HECA: variants seen among roughly 807,000 people sequenced by gnomAD.
HECA encodes HECA ribonucleoprotein granule regulator.
Under a neutral mutation model 37.6 loss-of-function variants are expected in HECA, and 13 were observed. The observed-to-expected ratio is 0.35, with a 90% CI of 0.23 to 0.55. The LOEUF (loss-of-function observed/expected upper bound fraction) is 0.55, where lower values mean the gene tolerates loss of function less well. Among genes scored for constraint, HECA ranks in the 20% least tolerant of loss-of-function variants. HECA has a pLI of 0.90. For missense variants in HECA, 527 were observed against 701.9 expected, an observed-to-expected ratio of 0.75 and a Z score of 2.82; for synonymous variants, 307 against 291.5, an observed-to-expected ratio of 1.05 and a Z score of -0.54.
chr6:139,138,637 T>C (rs1774478728), intron 1 of HECA, among the ~76,000 whole-genome samples: 1 of 152,228 alleles, frequency 6.6e-6, no homozygotes, highest in Non-Finnish European at 1.5e-5. Context: ...ATACTTATTC[T>C]GTAAAGGAAG....
At chr6:139,167,711 G>A (rs1161874186) in intron 2 of HECA, among the ~76,000 whole-genome samples, 1 of 152,218 alleles carries the variant, frequency 6.6e-6, no homozygotes, top group Non-Finnish European at 1.5e-5. Flanking sequence ...AGGAAAAGCA[G>A]TGGTCAGAAA....
At chr6:139,137,572 G>A (rs1333332717) in intron 1 of HECA, among the ~76,000 whole-genome samples, 1 of 150,756 alleles carries the variant, frequency 6.6e-6, no homozygotes, top group Non-Finnish European at 1.5e-5. Flanking sequence ...TCCTCAGGGA[G>A]CTTGCATTCC....
intron 1 of HECA, among the ~76,000 whole-genome samples, chr6:139,136,698 A>G (rs1415882704): frequency 6.6e-6 from 1 of 150,852 alleles, no homozygotes; most frequent in Non-Finnish European, 1.5e-5. Flanking sequence ...GTAGTGGCGC[A>G]ATCTCGGCTC....
At position 139,166,367 on chromosome 6, in the gene HECA, A is replaced by G; in HGVS notation, c.355A>G (p.Asn119Asp). 1 of 1,614,148 alleles carries G rather than the reference A, an allele frequency of 6.2e-7. No homozygotes were observed. Among genetic ancestry groups the G allele is most frequent in the Non-Finnish European group, 8.5e-7 (1 of 1,179,988 alleles). ...EKDDYQKVVC[N>D]NEHCPCSTWM... ...GGACGACTACCAGAAGGTGGTGTGC[A>G]ACAACGAGCACTGCCCCTGCAGCAC... Residue 119 changes from asparagine (N) to aspartate (D), a missense_variant, in exon 2 of 4, where the codon AAC becomes GAC. By Grantham distance (23) the Asn-to-Asp change is conservative. Transcript: ENST00000367658.
At chr6:139,167,484 C>G (rs940201574) in intron 2 of HECA, among the ~76,000 whole-genome samples, 160 bp downstream of exon 2, 7 of 152,144 alleles carry the variant, frequency 4.6e-5, no homozygotes, top group African/African-American at 1.7e-4. Context: ...CCCAGTGACG[C>G]GGTGATTTTT....
At chr6:139,141,781 T>G (rs1774516153) in intron 1 of HECA, among the ~76,000 whole-genome samples, 1 of 145,042 alleles carries the variant, frequency 6.9e-6, no homozygotes. Flanking sequence ...TGAGACAGAG[T>G]CTCACTATGT....
At chr6:139,157,475 A>G (rs1425723320) in intron 1 of HECA, among the ~76,000 whole-genome samples, 1 of 152,246 alleles carries the variant, frequency 6.6e-6, no homozygotes, top group Non-Finnish European at 1.5e-5. Context: ...CACTGAGAAG[A>G]ACATCTTCAT....
intron 1 of HECA, chr6:139,155,510 G>C (rs1468644803): frequency 6.6e-6 from 1 of 152,208 alleles, no homozygotes; most frequent in Non-Finnish European, 1.5e-5. Context: ...TGGGACCACT[G>C]TTGTGTACGG....
chr6:139,143,731 C>T (rs183192657), intron 1 of HECA, among the ~76,000 whole-genome samples: 2 of 151,806 alleles, frequency 1.3e-5, no homozygotes, highest in African/African-American at 2.4e-5. Flanking sequence ...TGTGGTGGCA[C>T]GTGCCTGTAA....
chr6:139,135,476 C>T lies in HECA; in HGVS notation c.80C>T (p.Ala27Val), dbSNP rs867248462. ...AGCGGCGACGAGCAGGAAAATGGAG[C>T]CGGGGCCCTGGCAGCGGCGGGCGCG... is the stretch of plus-strand genomic sequence containing the variant. Reference protein sequence around the residue: ...NSSGDEQENGAGALAAAGAAG... With the variant: ...NSSGDEQENGVGALAAAGAAG... The change falls in exon 1 of 4, where the codon GCC becomes GTC. Residue 27 changes from alanine (A) to valine (V), a missense_variant. Ala to Val is a moderately conservative substitution (Grantham distance 64). Coordinates refer to ENST00000367658, the MANE Select transcript of HECA (RefSeq NM_016217.3). 1.6e-6 allele frequency: 2 copies of T among 1,252,474 alleles called. No homozygotes were observed. Among genetic ancestry groups the T allele is most frequent in the African/African-American group, 1.6e-5 (1 of 62,994 alleles). 77.6% of individuals were successfully genotyped at this position (1,252,474 alleles called of 1,614,324 possible). A position where few individuals can be genotyped will look rare whatever the true frequency, so the allele number is the denominator to read the frequency against.
rs1774423933 is a variant in HECA at position 139,135,626 on chromosome 6, CGGCCGCCGCGGGGGCT to C, written c.232_247del (p.Ala78ArgfsTer16). ...GCGGGGACTGGCGCCGCGAACGCTG[CGGCCGCCGCGGGGGCT>C]GCGGCCGCGGGCGATGCCAAAAACG... On this transcript the variant is annotated frameshift_variant, in exon 1 of 4. Transcript: ENST00000367658. LOFTEE classifies it high-confidence loss of function. 2.8e-5 allele frequency: 27 copies of C among 966,048 alleles called. No individual in the cohort carries two copies. The highest frequency in any genetic ancestry group is 1.6e-4 in the African/African-American group (9 of 55,804). The allele number at this position is 966,048 out of a possible 1,614,324, so 59.8% of individuals were successfully genotyped here.
At position 139,167,216 on chromosome 6, in the gene HECA, C is replaced by T. The variant is rs1207828635; in HGVS notation, c.1204C>T (p.His402Tyr). ...AAACGTGGTAAACTGTGCCCTGTGC[C>T]ACCGGGCGCTCCCGGTGTTCGAACA... ...HRNVVNCALC[H>Y]RALPVFEQFP... Residue 402 changes from histidine to tyrosine, a missense_variant, in exon 2 of 4, where the codon CAC (histidine) becomes TAC (tyrosine). Physicochemically the swap from His to Tyr is moderately conservative, Grantham distance 83 (BLOSUM62 2). Coordinates refer to ENST00000367658, the MANE Select transcript of HECA (RefSeq NM_016217.3). The T allele has an allele frequency of 1.2e-6, 2 of 1,614,188 alleles. No homozygotes were observed. The highest frequency in any genetic ancestry group is 1.7e-6 in the Non-Finnish European group (2 of 1,180,030).
At chr6:139,141,186 C>G (rs776061837) in intron 1 of HECA, among the ~76,000 whole-genome samples, 2 of 152,148 alleles carry the variant, frequency 1.3e-5, no homozygotes, top group Non-Finnish European at 2.9e-5. Context: ...AAGAAGCTTT[C>G]TTTGCCTTTC....
Position 139,178,648 on chromosome 6 carries a change from C to T in HECA, c.*1543C>T, listed in dbSNP as rs1775087650. The T allele has an allele frequency of 6.6e-6, 1 of 151,968 alleles. No individual in the cohort carries two copies. The highest frequency in any genetic ancestry group is 6.6e-5 in the Admixed American group (1 of 15,226). 9.4% of individuals were successfully genotyped at this position (151,968 alleles called of 1,614,324 possible). A position where few individuals can be genotyped will look rare whatever the true frequency, so the allele number is the denominator to read the frequency against. ...GGAGTGCAGTAGTGCGATCTCAGCT[C>T]ACTGCAACCTCTGCCTCCTGGATTC... On this transcript the variant is annotated 3_prime_UTR_variant, in exon 4 of 4. Coordinates refer to ENST00000367658, the MANE Select transcript of HECA (RefSeq NM_016217.3).
intron 1 of HECA, among the ~76,000 whole-genome samples, chr6:139,145,937 C>T (rs1001141544): frequency 6.6e-6 from 1 of 152,040 alleles, no homozygotes; most frequent in African/African-American, 2.4e-5. Flanking sequence ...TTTTGAGAGC[C>T]TCTGCTTTTA....
rs1399191301 is a variant in HECA, at chr6:139,177,585, C to G, written c.*480C>G. 6.5e-6 allele frequency: 1 copy of G among 152,944 alleles called. No individual in the cohort carries two copies. The highest frequency in any genetic ancestry group is 1.5e-5 in the Non-Finnish European group (1 of 68,260). 9.5% of individuals were successfully genotyped at this position (152,944 alleles called of 1,614,324 possible). A position where few individuals can be genotyped will look rare whatever the true frequency, so the allele number is the denominator to read the frequency against. On this transcript the variant is annotated 3_prime_UTR_variant, in exon 4 of 4. Coordinates refer to ENST00000367658, the MANE Select transcript of HECA (RefSeq NM_016217.3). The surrounding 1 kb of genome is among the most constrained non-coding windows in gnomAD (Gnocchi z 4.9). The stretch of plus-strand genomic sequence containing the variant: ...CATTAGTCTATCTCAGCCTAGTGTT[C>G]TGCAGCACACATGGGCAGGCAGTTT...
At chr6:139,150,996 C>G (rs1774643449) in intron 1 of HECA, 1 of 152,160 alleles carries the variant, frequency 6.6e-6, no homozygotes, top group Non-Finnish European at 1.5e-5. Flanking sequence ...TCTACTTTTT[C>G]ATTTTTACTG....
At chr6:139,175,744 G>C (rs1329665828) in intron 3 of HECA, among the ~76,000 whole-genome samples, 1 of 152,104 alleles carries the variant, frequency 6.6e-6, no homozygotes, top group Non-Finnish European at 1.5e-5. Context: ...CTGTTCTGGT[G>C]TTCTTTCTGG....
Position 139,167,143 on chromosome 6 carries a change from G to C in HECA, c.1131G>C (p.Gly377=). The change falls in exon 2 of 4, where the codon GGG becomes GGC. Residue 377 remains glycine (G), a synonymous_variant. Transcript: ENST00000367658. ...AAGACGATGCCCAAGTGGGCCAGGGGGAAGACTTGCGGAAGTTCATTCTGG... is the reference window on the plus strand; with the variant it reads ...AAGACGATGCCCAAGTGGGCCAGGGCGAAGACTTGCGGAAGTTCATTCTGG... The part of the protein sequence containing the change: ...RMEDDAQVGQ[G]EDLRKFILAA... 6.2e-7 allele frequency: 1 copy of C among 1,614,180 alleles called. No individual in the cohort carries two copies. The highest frequency in any genetic ancestry group is 8.5e-7 in the Non-Finnish European group (1 of 1,180,042).
Sources: allele counts gnomAD v4.1 joint callset (sites outside exome capture counted in the v4.1 genomes callset), GRCh38; gene constraint gnomAD v4.1.1; non-coding constraint Gnocchi (gnomAD v3.1); transcripts MANE v1.5; gene names NCBI Gene and HGNC (gene_info 2026-07-23, HGNC 2026-07-21).